The following RBFOX1 variants were observed in gnomAD, a reference collection of about 807,000 sequenced individuals.
The protein encoded by RBFOX1 is RNA binding fox-1 homolog 1.
RBFOX1 carries 8 observed loss-of-function variants against 57.7 expected under a neutral mutation model. The observed-to-expected ratio is 0.14, with a 90% CI of 0.08 to 0.25. The LOEUF is 0.25. Among genes scored for constraint, RBFOX1 ranks in the 10% least tolerant of loss-of-function variants. The pLI, the probability that RBFOX1 is intolerant of heterozygous loss-of-function variation, is 1.00. For missense variants in RBFOX1, 611 were observed against 548.5 expected (o/e 1.11, Z -1.14); for synonymous variants, 326 against 222.4 (o/e 1.47, Z -4.15).
chr16:5,909,729 G>T (rs998202854), intron 4 of RBFOX1, among the ~76,000 whole-genome samples: 3 of 152,172 alleles, frequency 2.0e-5, no homozygotes. Flanking sequence ...AACAAGCCCA[G>T]CCCTGGTAAG....
chr16:6,129,747 GA>G (rs34774478), intron 1 of RBFOX1, among the ~76,000 whole-genome samples: 44 of 131,654 alleles, frequency 3.3e-4, no homozygotes, highest in South Asian at 7.1e-4. Context: ...TCATATTGAC[GA>G]AAAAAAAAAA....
chr16:7,202,637 G>C (rs927788595), intron 4 of RBFOX1, among the ~76,000 whole-genome samples: 1 of 152,184 alleles, frequency 6.6e-6, no homozygotes, highest in Non-Finnish European at 1.5e-5. Context: ...CAGCACCTGA[G>C]CTCGACCTCC....
chr16:7,629,011 G>C (rs1163213573), intron 10 of RBFOX1, among the ~76,000 whole-genome samples: 1 of 152,328 alleles, frequency 6.6e-6, no homozygotes, highest in East Asian at 1.9e-4. Context: ...ACTACCCAGA[G>C]AAGGTTAGTT....
chr16:5,308,865 G>A (rs138814625), intron 1 of RBFOX1, among the ~76,000 whole-genome samples: 11 of 152,120 alleles, frequency 7.2e-5, no homozygotes, highest in East Asian at 1.9e-4. Context: ...GCACGGCACC[G>A]CTGTTGTCCT....
At chr16:5,335,423 CG>C (rs1567349757) in intron 1 of RBFOX1, among the ~76,000 whole-genome samples, 1 of 152,146 alleles carries the variant, frequency 6.6e-6, no homozygotes, top group African/African-American at 2.4e-5. Context: ...CCGTCATCAG[CG>C]GGACTGGGGG....
At chr16:6,991,550 G>A (rs191124686) in intron 3 of RBFOX1, among the ~76,000 whole-genome samples, 1 of 152,162 alleles carries the variant, frequency 6.6e-6, no homozygotes, top group Non-Finnish European at 1.5e-5. Flanking sequence ...TGTTGTTGTT[G>A]TTTTGAGATG....
At chr16:5,377,120 AG>A (rs1307852161) in intron 1 of RBFOX1, among the ~76,000 whole-genome samples, 4 of 151,690 alleles carry the variant, frequency 2.6e-5, no homozygotes, top group Non-Finnish European at 4.4e-5. Flanking sequence ...TTAGTCATGC[AG>A]TTGAAAGCAC....
At chr16:7,348,454 T>A (rs2097060802) in intron 4 of RBFOX1, among the ~76,000 whole-genome samples, 1 of 152,126 alleles carries the variant, frequency 6.6e-6, no homozygotes, top group Admixed American at 6.6e-5. Flanking sequence ...TAAGGTGATG[T>A]CTTAAACAAA....
chr16:5,789,335 T>C (rs1357324072), intron 3 of RBFOX1, among the ~76,000 whole-genome samples: 1 of 152,198 alleles, frequency 6.6e-6, no homozygotes, highest in Non-Finnish European at 1.5e-5. Context: ...GTGGTGACAG[T>C]AAATGCTTCT....
At chr16:7,457,482 C>T (rs771310405) in intron 4 of RBFOX1, among the ~76,000 whole-genome samples, 13 of 152,134 alleles carry the variant, frequency 8.5e-5, no homozygotes, top group Non-Finnish European at 1.8e-4. Flanking sequence ...TATGCCTTGC[C>T]TTGCATTCTT....
intron 3 of RBFOX1, among the ~76,000 whole-genome samples, chr16:6,850,150 G>T (rs990771644): frequency 6.6e-6 from 1 of 152,122 alleles, no homozygotes; most frequent in African/African-American, 2.4e-5. Context: ...GCACCCTAGG[G>T]TTCCTTTCCC....
chr16:7,562,802 T>C (rs1269509235), intron 5 of RBFOX1, among the ~76,000 whole-genome samples: 1 of 152,208 alleles, frequency 6.6e-6, no homozygotes, highest in African/African-American at 2.4e-5. Flanking sequence ...CTGGAGAGTT[T>C]GGAGCCAACA....
At chr16:6,758,382 G>C (rs1027787057) in intron 3 of RBFOX1, among the ~76,000 whole-genome samples, 49 of 152,092 alleles carry the variant, frequency 3.2e-4, no homozygotes, top group Admixed American at 8.5e-4. Context: ...ATGTTCAAGA[G>C]ATTAACCAGA....
intron 1 of RBFOX1, chr16:5,365,808 G>T (rs1394185430): frequency 3.9e-6 from 2 of 516,306 alleles, no homozygotes; most frequent in East Asian, 5.4e-5. Flanking sequence ...GGAAGATTCA[G>T]TGGACATGGA....
At chr16:5,529,018 C>T (rs1479109479) in intron 2 of RBFOX1, among the ~76,000 whole-genome samples, 1 of 152,078 alleles carries the variant, frequency 6.6e-6, no homozygotes, top group Non-Finnish European at 1.5e-5. Context: ...GGAGTAACCA[C>T]TGGCTCTCTC....
intron 4 of RBFOX1, among the ~76,000 whole-genome samples, chr16:7,479,044 A>C (rs1430409194): frequency 6.6e-6 from 1 of 152,040 alleles, no homozygotes; most frequent in Non-Finnish European, 1.5e-5. Context: ...CCGAATCCAC[A>C]AACAGGAAAG....
chr16:6,187,911 T>C (rs1264893182), intron 1 of RBFOX1, among the ~76,000 whole-genome samples: 1 of 152,224 alleles, frequency 6.6e-6, no homozygotes, highest in African/African-American at 2.4e-5. Flanking sequence ...TTAACTGTTT[T>C]GCACATGTGC....
Position 7,229,791 on chromosome 16 carries a change from AG to A in RBFOX1, c.27+177694del, listed in dbSNP as rs2093381387. Among the ~76,000 whole-genome samples the A allele has an allele frequency of 3.4e-5, 2 of 57,996 alleles. 1 individual carries two copies. The highest frequency in any genetic ancestry group is 1.5e-4 in the African/African-American group (2 of 13,242). 38.0% of individuals were successfully genotyped at this position (57,996 alleles called of 152,430 possible). On this transcript the variant is annotated intron_variant, in intron 4 of 15. Coordinates refer to ENST00000550418, the MANE Select transcript of RBFOX1 (RefSeq NM_018723.4). ...AAGGGAGAGAGAGGAAGGAAGGGAG[AG>A]AGAGGGAGGAAGGGAGAGAGAGGAA...
intron 3 of RBFOX1, among the ~76,000 whole-genome samples, chr16:6,719,671 C>G (rs1030408396): frequency 6.6e-5 from 10 of 151,496 alleles, no homozygotes; most frequent in African/African-American, 2.2e-4. Flanking sequence ...TGGTCTTGAT[C>G]TCCTGACCTT....
Sources: gnomAD v4.1 joint callset for allele counts (sites outside exome capture counted in the v4.1 genomes callset) on GRCh38, gnomAD v4.1.1 for gene constraint, MANE v1.5 for transcripts, NCBI Gene and HGNC (gene_info 2026-07-23, HGNC 2026-07-21) for gene names.